The following KIF16B variants were observed in gnomAD, a reference collection of about 807,000 sequenced individuals.
KIF16B encodes kinesin-like protein KIF16B.
A neutral mutation model predicts 156.3 loss-of-function variants in KIF16B; 98 were observed. That is an observed-to-expected ratio of 0.63 (90% confidence interval 0.53 to 0.74). KIF16B has a LOEUF of 0.74. Ranked by LOEUF, KIF16B falls within the 30% of genes least tolerant of loss-of-function variation. The pLI is 0.00. For synonymous variants in KIF16B, 564 were observed against 583.7 expected (o/e 0.97, Z 0.49); for missense variants, 1,421 against 1,606.5 (o/e 0.88, Z 1.97).
chr20:16,330,454 G>C (rs2063928381), intron 24 of KIF16B, among the ~76,000 whole-genome samples: 1 of 152,114 alleles, frequency 6.6e-6, no homozygotes, highest in Non-Finnish European at 1.5e-5. Flanking sequence ...TACTGATCTT[G>C]GTTTTTCAGA....
chr20:16,391,781 C>G (rs942442875), intron 17 of KIF16B, among the ~76,000 whole-genome samples: 1 of 152,174 alleles, frequency 6.6e-6, no homozygotes, highest in Non-Finnish European at 1.5e-5. Context: ...CACTCAGGGC[C>G]TTTCAGGTCA....
intron 6 of KIF16B, 28 bp downstream of exon 6, chr20:16,511,363 TGTTATTTTTACATAGATCACAAAAAGA>T: frequency 2.1e-6 from 2 of 956,032 alleles, no homozygotes; most frequent in Non-Finnish European, 3.2e-6. Context: ...TCATTGAAAG[TGTTATTTTTACATAGATCACAAAAAGA>T]ATATGGCTGT....
chr20:16,428,988 A>G lies in KIF16B; in HGVS notation c.1439T>C (p.Val480Ala). 1 of 1,613,222 alleles carries G rather than the reference A, an allele frequency of 6.2e-7. No homozygotes were observed. Among genetic ancestry groups the G allele is most frequent in the East Asian group, 2.2e-5 (1 of 44,832 alleles). Residue 480 changes from valine (V) to alanine (A), a missense_variant, in exon 14 of 26, where the codon GTT (valine) becomes GCT (alanine). Val to Ala is a moderately conservative substitution (Grantham distance 64, BLOSUM62 0). Coordinates refer to ENST00000354981, the MANE Select transcript of KIF16B (RefSeq NM_024704.5). ...LYHLKEGQTYVGRDDASTEQD... is the reference protein window; with the variant it reads ...LYHLKEGQTYAGRDDASTEQD... Reference sequence around the variant, plus strand: ...CTCCGTGGAAGCATCGTCTCTACCAACGTATGTCTGACCTTCCTGGGAAGA... The same window carrying G: ...CTCCGTGGAAGCATCGTCTCTACCAGCGTATGTCTGACCTTCCTGGGAAGA...
intron 12 of KIF16B, among the ~76,000 whole-genome samples, chr20:16,431,077 T>G (rs2066486737): frequency 6.6e-6 from 1 of 152,068 alleles, no homozygotes; most frequent in Non-Finnish European, 1.5e-5. Flanking sequence ...CCTTTCTTTC[T>G]CTAAACTCTA....
chr20:16,548,163 T>G (rs1034759833), intron 1 of KIF16B, among the ~76,000 whole-genome samples: 5 of 152,178 alleles, frequency 3.3e-5, no homozygotes, highest in Non-Finnish European at 5.9e-5. Context: ...GGTCTTCTAT[T>G]AAAGAACTGA....
At chr20:16,557,156 T>TACACACACAC (rs113887018) in intron 1 of KIF16B, among the ~76,000 whole-genome samples, 31 of 119,816 alleles carry the variant, frequency 2.6e-4, no homozygotes, top group African/African-American at 1.0e-3. Context: ...ACTATATATA[T>TACACACACAC]ATACACACAC....
At chr20:16,327,620 T>A (rs1315984321) in intron 24 of KIF16B, among the ~76,000 whole-genome samples, 2 of 152,084 alleles carry the variant, frequency 1.3e-5, no homozygotes, top group Non-Finnish European at 2.9e-5. Flanking sequence ...TGAGTCTGCA[T>A]ATTTTGGAAA....
chr20:16,295,557 T>C (rs1455836651), intron 25 of KIF16B, among the ~76,000 whole-genome samples: 1 of 150,334 alleles, frequency 6.7e-6, no homozygotes, highest in African/African-American at 2.4e-5. Flanking sequence ...TATCTTATTA[T>C]ACTATGTTTT....
chr20:16,562,515 T>C (rs1453180471), intron 1 of KIF16B, among the ~76,000 whole-genome samples: 1 of 152,150 alleles, frequency 6.6e-6, no homozygotes, highest in Non-Finnish European at 1.5e-5. Context: ...ACGCCGTGAC[T>C]ACGGATCCCA....
At chr20:16,316,711 T>A (rs1276333873) in intron 24 of KIF16B, among the ~76,000 whole-genome samples, 2 of 152,160 alleles carry the variant, frequency 1.3e-5, no homozygotes, top group East Asian at 3.9e-4. Flanking sequence ...CTGGACTTTT[T>A]TTTCTCTCCA....
intron 11 of KIF16B, 150 bp downstream of exon 11, chr20:16,497,463 G>A (rs890677091): frequency 3.5e-5 from 23 of 649,186 alleles, no homozygotes; most frequent in African/African-American, 2.4e-4. Flanking sequence ...GTCAGCTATC[G>A]TGCTTCTTCA....
At chr20:16,535,380 G>C (rs957208850) in intron 1 of KIF16B, among the ~76,000 whole-genome samples, 2 of 152,156 alleles carry the variant, frequency 1.3e-5, no homozygotes, top group Non-Finnish European at 2.9e-5. Context: ...TCAGTTCTAA[G>C]AGTTTTTAGG....
At chr20:16,456,450 C>T (rs907555047) in intron 12 of KIF16B, among the ~76,000 whole-genome samples, 1 of 152,106 alleles carries the variant, frequency 6.6e-6, no homozygotes, top group Non-Finnish European at 1.5e-5. Context: ...GATACACACA[C>T]ACACACACGT....
Position 16,364,950 on chromosome 20 carries a change from T to C in KIF16B, c.3498+5636A>G, listed in dbSNP as rs535358709. ...ACAACATGGTGGAATTATGCTTCTG[T>C]ACCTGTGCGAATAAGCACATCTGTC... On this transcript the variant is annotated intron_variant, in intron 22 of 25. Coordinates refer to ENST00000354981, the MANE Select transcript of KIF16B (RefSeq NM_024704.5). Among the ~76,000 whole-genome samples, 4 of 152,366 alleles carry C rather than the reference T, an allele frequency of 2.6e-5. No individual in the cohort carries two copies. The East Asian group carries it at 7.7e-4, about 29-fold the overall frequency.
At chr20:16,391,029 T>G (rs1034867957) in intron 17 of KIF16B, among the ~76,000 whole-genome samples, 1 of 152,096 alleles carries the variant, frequency 6.6e-6, no homozygotes, top group Non-Finnish European at 1.5e-5. Context: ...GAGGAAGCCT[T>G]GCAGAGGAGG....
intron 12 of KIF16B, among the ~76,000 whole-genome samples, chr20:16,453,113 A>AT (rs2067127933): frequency 6.6e-6 from 1 of 151,654 alleles, no homozygotes; most frequent in African/African-American, 2.4e-5. Context: ...ACCAAAAAAA[A>AT]AAAAAAATTA....
chr20:16,463,117 A>G lies in KIF16B; in HGVS notation c.1302+31174T>C, dbSNP rs539436044. ...CCACCTCCTCAAGCTCATCTATAAA[A>G]CCAACCGCATCTCGCTGTGAACCTA... On this transcript the variant is annotated intron_variant, in intron 12 of 25. Transcript: ENST00000354981. 5.9e-5 allele frequency among the ~76,000 whole-genome samples: 9 copies of G among 152,200 alleles called. No individual in the cohort carries two copies. The South Asian group carries it at 1.9e-3, about 32-fold the overall frequency.
At position 16,379,158 on chromosome 20, in the gene KIF16B, T is replaced by G; in HGVS notation, c.2844A>C (p.Glu948Asp). The G allele has an allele frequency of 6.2e-7, 1 of 1,614,192 alleles. No individual in the cohort carries two copies. Among genetic ancestry groups the G allele is most frequent in the South Asian group, 1.1e-5 (1 of 91,084 alleles). ...CAAGCTGTTCTTCTTTTTCTTCCAT[T>G]TCCTTTTCTACTTGATAAAGAGTGT... is the stretch of plus-strand genomic sequence containing the variant. The part of the protein sequence containing the change: ...LDNTLYQVEK[E>D]MEEKEEQLAQ... Residue 948 changes from glutamate (E) to aspartate (D), a missense_variant, in exon 19 of 26, where the codon GAA (glutamate) becomes GAC (aspartate). Physicochemically the swap from Glu to Asp is conservative, Grantham distance 45 (BLOSUM62 2). Transcript: ENST00000354981.
chr20:16,439,152 G>C (rs1216453172), intron 12 of KIF16B, among the ~76,000 whole-genome samples: 2 of 152,088 alleles, frequency 1.3e-5, no homozygotes, highest in East Asian at 1.9e-4. Context: ...CTGTGCTTCA[G>C]ACTTCACAGA....
Sources: allele counts gnomAD v4.1 joint callset (sites outside exome capture counted in the v4.1 genomes callset), GRCh38; gene constraint gnomAD v4.1.1; transcripts MANE v1.5; gene names NCBI Gene and HGNC (gene_info 2026-07-23, HGNC 2026-07-21).